The following ARHGAP22 variants were observed in gnomAD, a reference collection of about 807,000 sequenced individuals.
ARHGAP22 encodes the protein Rho GTPase activating protein 22, also known as rho GTPase-activating protein 22.
In ARHGAP22, 48 loss-of-function variants were observed where a neutral mutation model predicts 59.1. The ratio of observed to expected loss-of-function variants is 0.81; its 90% CI spans 0.64 to 1.03. The LOEUF (loss-of-function observed/expected upper bound fraction) is 1.03, where lower values mean the gene tolerates loss of function less well. ARHGAP22 is among the 50% of genes least tolerant of loss of function. The pLI is 0.00. For synonymous variants in ARHGAP22, 445 were observed against 416.4 expected (o/e 1.07, Z -0.84); for missense variants, 1,015 against 958.7 (o/e 1.06, Z -0.78).
intron 3 of ARHGAP22, among the ~76,000 whole-genome samples, chr10:48,536,201 G>T (rs1002695111): frequency 5.9e-5 from 9 of 152,236 alleles, no homozygotes; most frequent in Non-Finnish European, 1.2e-4. Flanking sequence ...CCAGACGAGG[G>T]CACTGGGTTG....
chr10:48,576,818 T>G (rs2058739075), intron 2 of ARHGAP22, among the ~76,000 whole-genome samples: 1 of 152,178 alleles, frequency 6.6e-6, no homozygotes, highest in Non-Finnish European at 1.5e-5. Context: ...TTACTCCTTT[T>G]TGATTTTACA....
intron 2 of ARHGAP22, among the ~76,000 whole-genome samples, chr10:48,567,565 C>T (rs1460488612): frequency 6.6e-6 from 1 of 152,218 alleles, no homozygotes; most frequent in Non-Finnish European, 1.5e-5. Flanking sequence ...GATTTTACAA[C>T]ACATTTGGGG....
intron 1 of ARHGAP22, among the ~76,000 whole-genome samples, chr10:48,588,662 G>A (rs532817192): frequency 1.9e-4 from 29 of 152,254 alleles, no homozygotes; most frequent in Admixed American, 5.2e-4. Context: ...CCATGCACAC[G>A]CAGGACCATC....
At chr10:48,526,707 C>T (rs2054356361) in intron 3 of ARHGAP22, among the ~76,000 whole-genome samples, 1 of 152,144 alleles carries the variant, frequency 6.6e-6, no homozygotes, top group East Asian at 1.9e-4. Context: ...CATTGTGGGC[C>T]GCTTGTTTAT....
At chr10:48,574,597 A>G (rs987181497) in intron 2 of ARHGAP22, 4 of 152,212 alleles carry the variant, frequency 2.6e-5, no homozygotes, top group African/African-American at 9.7e-5. Flanking sequence ...CGGTCCTGTG[A>G]GCTGTGAGCA....
At chr10:48,456,834 T>C (rs1050873779) in intron 5 of ARHGAP22, among the ~76,000 whole-genome samples, 2 of 141,944 alleles carry the variant, frequency 1.4e-5, no homozygotes, top group African/African-American at 5.1e-5. Context: ...CCTCCCTCCT[T>C]CCCCACTGCA....
intron 4 of ARHGAP22, among the ~76,000 whole-genome samples, chr10:48,464,238 G>A (rs1039474404): frequency 4.6e-5 from 7 of 152,182 alleles, no homozygotes; most frequent in Non-Finnish European, 7.3e-5. Flanking sequence ...AAGCAGGCAA[G>A]GCCCTGCCCT....
intron 5 of ARHGAP22, among the ~76,000 whole-genome samples, chr10:48,457,701 G>C (rs2046688097): frequency 6.6e-6 from 1 of 152,192 alleles, no homozygotes; most frequent in Non-Finnish European, 1.5e-5. Context: ...CAGGCACTGA[G>C]GCTTCCAGGC....
rs528400011 is a variant in ARHGAP22 at position 48,628,426 on chromosome 10, G to A, written c.52+23808C>T. ...CCAGTGTGTGCAAGGTCACTGGCTA[G>A]CAGATGGCTAAGTCTGCTGGGTTGA... On this transcript the variant is annotated intron_variant, in intron 1 of 9. Coordinates refer to the ARHGAP22 transcript ENST00000435790. Among the ~76,000 whole-genome samples, 11 of 152,326 alleles carry A rather than the reference G, an allele frequency of 7.2e-5. No individual in the cohort carries two copies. The South Asian group carries it at 2.3e-3, about 32-fold the overall frequency.
intron 3 of ARHGAP22, among the ~76,000 whole-genome samples, chr10:48,537,858 G>A (rs373211024): frequency 6.2e-4 from 94 of 152,338 alleles, no homozygotes; most frequent in African/African-American, 2.1e-3. Context: ...AGGGGGTGCA[G>A]GAAGATGGGA....
intron 3 of ARHGAP22, among the ~76,000 whole-genome samples, chr10:48,509,517 T>G (rs2052529670): frequency 6.6e-6 from 1 of 152,192 alleles, no homozygotes; most frequent in Non-Finnish European, 1.5e-5. Context: ...GCCAGGCTCA[T>G]GAATGCTCAA....
intron 8 of ARHGAP22, chr10:48,451,402 G>A (rs984872944): frequency 1.3e-5 from 9 of 706,624 alleles, no homozygotes; most frequent in African/African-American, 1.0e-4. Context: ...CTGCGCTCAC[G>A]CCCTCCAGCT....
chr10:48,454,199 G>C (rs559469526), intron 6 of ARHGAP22, 38 bp from the exon 7 acceptor site: 2 of 1,571,994 alleles, frequency 1.3e-6, no homozygotes, highest in African/African-American at 2.7e-5. Flanking sequence ...CACCGGCAAT[G>C]AGGGCCCTGA....
chr10:48,462,806 G>C (rs555783541), intron 4 of ARHGAP22, among the ~76,000 whole-genome samples: 20 of 152,340 alleles, frequency 1.3e-4, no homozygotes, highest in Non-Finnish European at 2.6e-4. Context: ...CTGCAAGCTT[G>C]GCCTGCTAGC....
At chr10:48,580,451 G>A (rs927113416) in intron 2 of ARHGAP22, among the ~76,000 whole-genome samples, 1 of 152,188 alleles carries the variant, frequency 6.6e-6, no homozygotes, top group African/African-American at 2.4e-5. Context: ...TCCATGTGTG[G>A]CCTGGGTGGC....
intron 3 of ARHGAP22, among the ~76,000 whole-genome samples, chr10:48,486,975 C>T (rs1368828154): frequency 6.6e-6 from 1 of 152,078 alleles, no homozygotes; most frequent in Non-Finnish European, 1.5e-5. Context: ...TGTTTTGTGT[C>T]TTTTTTACTG....
intron 3 of ARHGAP22, among the ~76,000 whole-genome samples, chr10:48,538,310 C>G (rs1049190881): frequency 6.6e-6 from 1 of 152,160 alleles, no homozygotes. Context: ...GGACACCAAC[C>G]ATTGGATTTG....
At chr10:48,561,923 C>T (rs1359058157) in intron 2 of ARHGAP22, among the ~76,000 whole-genome samples, 1 of 152,208 alleles carries the variant, frequency 6.6e-6, no homozygotes. Context: ...GTTAAGCAGA[C>T]TCTTAAAAGA....
At chr10:48,557,517 C>G (rs934707700) in intron 2 of ARHGAP22, among the ~76,000 whole-genome samples, 1 of 152,196 alleles carries the variant, frequency 6.6e-6, no homozygotes, top group African/African-American at 2.4e-5. Context: ...CCCAGACAAG[C>G]AGACAGAGGT....
Sources: allele counts gnomAD v4.1 joint callset (sites outside exome capture counted in the v4.1 genomes callset), GRCh38; gene constraint gnomAD v4.1.1; transcripts MANE v1.5; gene names NCBI Gene and HGNC (gene_info 2026-07-23, HGNC 2026-07-21).